Variants in MRPS27 observed in about 807,000 individuals in gnomAD.
The protein encoded by MRPS27 is small ribosomal subunit protein mS27.
MRPS27 carries 43 observed loss-of-function variants against 48.9 expected under a neutral mutation model. The observed-to-expected ratio is 0.88, with a 90% CI of 0.69 to 1.13. MRPS27 has a LOEUF of 1.13. Among genes scored for constraint, MRPS27 ranks in the 50% most tolerant of loss-of-function variants. MRPS27 has a pLI of 0.00. For synonymous variants in MRPS27, 188 were observed against 171.9 expected, an observed-to-expected ratio of 1.09 and a Z score of -0.73; for missense variants, 467 against 476.3, an observed-to-expected ratio of 0.98 and a Z score of 0.18.
chr5:72,228,333 C>T lies in MRPS27; in HGVS notation c.627G>A (p.Leu209=). 6.2e-7 allele frequency: 1 copy of T among 1,613,426 alleles called. No homozygotes were observed. Residue 209 remains leucine (L), a synonymous_variant, in exon 8 of 11, where the codon TTG becomes TTA. Transcript: ENST00000261413. The part of the protein sequence containing the change: ...EEERNFGASL[L]LPGLKQKNSV... ...AGTTCTTTTGTTTTAGGCCTGGAAG[C>T]AAAAGGGATGCACCAAAGTTCCTCT...
At chr5:72,280,784 A>G (rs1202529193) in intron 4 of MRPS27, among the ~76,000 whole-genome samples, 1 of 152,230 alleles carries the variant, frequency 6.6e-6, no homozygotes, top group African/African-American at 2.4e-5. Flanking sequence ...ATAACATCTT[A>G]TCAGAGATCA....
chr5:72,262,938 A>G lies in MRPS27; in HGVS notation c.282-24810T>C, dbSNP rs1376135501. On this transcript the variant is annotated intron_variant, in intron 4 of 10. Coordinates refer to ENST00000261413, the MANE Select transcript of MRPS27 (RefSeq NM_015084.3). ...GGCATGTATCCCATGCCCAGCCCCA[A>G]GTGAGAGATTTTTATGCTTGCCTTT... 2.0e-5 allele frequency among the ~76,000 whole-genome samples: 3 copies of G among 152,024 alleles called. 1 individual carries two copies. Among genetic ancestry groups the G allele is most frequent in the East Asian group, 1.9e-4 (1 of 5,184 alleles).
Position 72,295,595 on chromosome 5 carries a change from A to G in MRPS27, c.223-6T>C. 6.2e-7 allele frequency: 1 copy of G among 1,602,368 alleles called. No homozygotes were observed. Among genetic ancestry groups the G allele is most frequent in the Non-Finnish European group, 8.5e-7 (1 of 1,169,698 alleles). On this transcript the variant is annotated splice_region_variant and splice_polypyrimidine_tract_variant and intron_variant, in intron 3 of 10. Coordinates refer to ENST00000261413, the MANE Select transcript of MRPS27 (RefSeq NM_015084.3). ...GAGGAAATGTTGTCTATAAGCTAAA[A>G]GACAGAAAAAGAAACCTTTGGTTGA...
chr5:72,272,591 T>G (rs866732918), intron 4 of MRPS27, among the ~76,000 whole-genome samples: 9 of 152,216 alleles, frequency 5.9e-5, no homozygotes, highest in Middle Eastern at 3.2e-3. Flanking sequence ...GCAGAGGAAT[T>G]CTGCAAATTT....
At chr5:72,231,816 G>A (rs1748071620) in intron 7 of MRPS27, among the ~76,000 whole-genome samples, 1 of 152,024 alleles carries the variant, frequency 6.6e-6, no homozygotes. Context: ...ACTAGCTGGG[G>A]GGTTACTCTG....
chr5:72,289,091 G>T (rs531370605), intron 4 of MRPS27, among the ~76,000 whole-genome samples: 1 of 152,324 alleles, frequency 6.6e-6, no homozygotes, highest in South Asian at 2.1e-4. Context: ...CATGCAGGCT[G>T]CCATCTGCCT....
intron 5 of MRPS27, among the ~76,000 whole-genome samples, chr5:72,236,634 T>C (rs1206750432): frequency 6.6e-6 from 1 of 152,140 alleles, no homozygotes; most frequent in African/African-American, 2.4e-5. Context: ...ATTGGACTTA[T>C]CCAGGGACCT....
At chr5:72,294,630 A>G (rs1298728236) in intron 4 of MRPS27, 1 of 152,214 alleles carries the variant, frequency 6.6e-6, no homozygotes, top group Admixed American at 6.5e-5. Flanking sequence ...TGCACTGAAC[A>G]TACTTTTTGT....
intron 4 of MRPS27, among the ~76,000 whole-genome samples, chr5:72,269,987 G>A (rs896201876): frequency 2.3e-4 from 35 of 152,184 alleles, no homozygotes; most frequent in Middle Eastern, 3.4e-3. Context: ...AAGGTCTGGA[G>A]TTTGAGACCA....
Position 72,303,152 on chromosome 5 carries a change from AAT to A in MRPS27, c.152-5452_152-5451del, listed in dbSNP as rs1580113919. ...AAGCGGAAGGAGAAAAGGGTTAAAG[AAT>A]AGGAGAAAACTTTGGCAGGTGACAC... On this transcript the variant is annotated intron_variant, in intron 2 of 10. Transcript: ENST00000261413. 2.0e-5 allele frequency among the ~76,000 whole-genome samples: 3 copies of A among 152,366 alleles called. No individual in the cohort carries two copies. The East Asian group carries it at 5.8e-4, about 29-fold the overall frequency.
intron 1 of MRPS27, among the ~76,000 whole-genome samples, chr5:72,316,835 G>A (rs1001875477): frequency 1.3e-5 from 2 of 151,798 alleles, no homozygotes; most frequent in African/African-American, 4.8e-5. Flanking sequence ...TTCGAGGCGA[G>A]CCTGACCAAC....
intron 2 of MRPS27, among the ~76,000 whole-genome samples, chr5:72,309,299 C>T (rs1750372871): frequency 6.6e-6 from 1 of 151,666 alleles, no homozygotes; most frequent in Admixed American, 6.6e-5. Flanking sequence ...AGAGTCAGCT[C>T]TGTCGCCCAG....
intron 4 of MRPS27, chr5:72,295,278 T>C: frequency 3.3e-6 from 1 of 306,034 alleles, no homozygotes; most frequent in Non-Finnish European, 6.0e-6. Context: ...TTATCAATTA[T>C]AACATCGTAT....
chr5:72,256,947 TAGTA>T (rs1748826030), intron 4 of MRPS27, among the ~76,000 whole-genome samples: 1 of 152,194 alleles, frequency 6.6e-6, no homozygotes, highest in Non-Finnish European at 1.5e-5. Flanking sequence ...GTGCCATTCT[TAGTA>T]AGCACAGGAT....
At chr5:72,249,573 T>C (rs1216486075) in intron 4 of MRPS27, among the ~76,000 whole-genome samples, 1 of 151,674 alleles carries the variant, frequency 6.6e-6, no homozygotes, top group Non-Finnish European at 1.5e-5. Flanking sequence ...TAATCCCAGC[T>C]ACTTGGGAGG....
chr5:72,290,397 T>C (rs957725715), intron 4 of MRPS27, among the ~76,000 whole-genome samples: 8 of 152,242 alleles, frequency 5.3e-5, no homozygotes, highest in Non-Finnish European at 1.2e-4. Context: ...GAATTTCTTC[T>C]GCCTTAGTTT....
At chr5:72,238,802 A>G (rs952366575) in intron 4 of MRPS27, among the ~76,000 whole-genome samples, 1 of 152,178 alleles carries the variant, frequency 6.6e-6, no homozygotes, top group Admixed American at 6.5e-5. Context: ...AGTTATATAC[A>G]GTAATAGTAT....
chr5:72,297,031 C>A (rs927563214), intron 3 of MRPS27, among the ~76,000 whole-genome samples: 1 of 152,102 alleles, frequency 6.6e-6, no homozygotes, highest in African/African-American at 2.4e-5. Flanking sequence ...AGTTTTTCCA[C>A]GCTTACAAGC....
intron 4 of MRPS27, among the ~76,000 whole-genome samples, chr5:72,250,687 G>A (rs1030572893): frequency 6.6e-6 from 1 of 152,106 alleles, no homozygotes; most frequent in African/African-American, 2.4e-5. Context: ...AATCACATAG[G>A]AGCTATTTAG....
Sources: gnomAD v4.1 joint callset for allele counts (sites outside exome capture counted in the v4.1 genomes callset) on GRCh38, gnomAD v4.1.1 for gene constraint, MANE v1.5 for transcripts, NCBI Gene and HGNC (gene_info 2026-07-23, HGNC 2026-07-21) for gene names.